The following GCM1 variants were observed in gnomAD, a reference collection of about 807,000 sequenced individuals.
GCM1 encodes the protein chorion-specific transcription factor GCMa.
GCM1 carries 2 observed loss-of-function variants against 25.7 expected under a neutral mutation model. That is an observed-to-expected ratio of 0.08 (90% confidence interval 0.03 to 0.24). The LOEUF is 0.24. Among genes scored for constraint, GCM1 ranks in the 10% least tolerant of loss-of-function variants. The pLI, the probability that GCM1 is intolerant of heterozygous loss-of-function variation, is 1.00. For synonymous variants in GCM1, 183 were observed against 195.7 expected (o/e 0.94, Z 0.54); for missense variants, 395 against 538.7 (o/e 0.73, Z 2.64).
rs1223691364 is a variant in GCM1 at position 53,128,028 on chromosome 6, C to CAAAAAAAAAAAAAA, written c.*164_*177dup. ...TGGGCAAAAGAGCAAGACTCTGTCT[C>CAAAAAAAAAAAAAA]AAAAAAAAAAAAAAAAAAAAAAAAA... On this transcript the variant is annotated 3_prime_UTR_variant, in exon 6 of 6. Coordinates refer to ENST00000259803, the MANE Select transcript of GCM1 (RefSeq NM_003643.4). 93 of 66,416 alleles carry CAAAAAAAAAAAAAA rather than the reference C, an allele frequency of 1.4e-3. 1 individual carries two copies. Among genetic ancestry groups the CAAAAAAAAAAAAAA allele is most frequent in the African/African-American group, 3.3e-3 (31 of 9,510 alleles). The allele number at this position is 66,416 out of a possible 1,614,324, so 4.1% of individuals were successfully genotyped here. A position where few individuals can be genotyped will look rare whatever the true frequency, so the allele number is the denominator to read the frequency against.
At chr6:53,129,016 G>A (rs1763688848) in intron 5 of GCM1, 70 bp from the exon 6 acceptor site, 1 of 1,210,518 alleles carries the variant, frequency 8.3e-7, no homozygotes, top group South Asian at 1.4e-5. Context: ...AGGCACCCAT[G>A]AGTTACTCTG....
chr6:53,129,568 C>G (rs10214780), intron 5 of GCM1, among the ~76,000 whole-genome samples: 7,122 of 152,300 alleles, frequency 0.047, 378 homozygotes, highest in African/African-American at 0.13. Context: ...GCCACAGTGC[C>G]TGGCCTCTAA....
chr6:53,145,968 C>T (rs555366941), intron 1 of GCM1, among the ~76,000 whole-genome samples, 200 bp from the exon 2 acceptor site: 2 of 152,086 alleles, frequency 1.3e-5, no homozygotes, highest in East Asian at 3.9e-4. Flanking sequence ...ACTGCTTTCA[C>T]CCTTGGGTTT....
intron 4 of GCM1, 104 bp from the exon 5 acceptor site, chr6:53,131,035 G>T: frequency 9.2e-7 from 1 of 1,085,918 alleles, no homozygotes; most frequent in Admixed American, 1.9e-5. Flanking sequence ...CCCGGGGGTG[G>T]TGTTGCAGTT....
chr6:53,142,870 CAAAAAAAAAAAAAAAAAAAAAAAA>C (rs60718730), intron 2 of GCM1, among the ~76,000 whole-genome samples: 1 of 37,510 alleles, frequency 2.7e-5, no homozygotes, highest in African/African-American at 7.1e-5. Context: ...CAAGGATCTC[CAAAAAAAAAAAAAAAAAAAAAAAA>C]AAAAAAAAAG....
rs1763762138 is a variant in GCM1 at position 53,133,948 on chromosome 6, T to C, written c.328+124A>G. On this transcript the variant is annotated intron_variant, in intron 3 of 5. Coordinates refer to ENST00000259803, the MANE Select transcript of GCM1 (RefSeq NM_003643.4). ...CATATGCTCCATGTCAGAACAGCCT[T>C]GGCTGCCACTACACTCCAGGGTGAT... 6 of 941,228 alleles carry C rather than the reference T, an allele frequency of 6.4e-6. No homozygotes were observed. The Admixed American group carries it at 1.3e-4, about 21-fold the overall frequency. 58.3% of individuals were successfully genotyped at this position (941,228 alleles called of 1,614,324 possible). A position where few individuals can be genotyped will look rare whatever the true frequency, so the allele number is the denominator to read the frequency against.
intron 2 of GCM1, among the ~76,000 whole-genome samples, chr6:53,139,298 G>A (rs1427392173): frequency 6.6e-6 from 1 of 151,870 alleles, no homozygotes; most frequent in Non-Finnish European, 1.5e-5. Context: ...TGGGCCAACT[G>A]GAAATAAAAC....
Position 53,134,052 on chromosome 6 carries a change from T to C in GCM1, c.328+20A>G, listed in dbSNP as rs373435777. ...TGAGGGATGCCAGCTTTTTTGCTGGTGCCACTAAGCTCTACTCACGCTGCT... is the reference window on the plus strand; with the variant it reads ...TGAGGGATGCCAGCTTTTTTGCTGGCGCCACTAAGCTCTACTCACGCTGCT... On this transcript the variant is annotated intron_variant, in intron 3 of 5. Coordinates refer to ENST00000259803, the MANE Select transcript of GCM1 (RefSeq NM_003643.4). 16 of 1,607,340 alleles carry C rather than the reference T, an allele frequency of 1.0e-5. No individual in the cohort carries two copies. The highest frequency in any genetic ancestry group is 1.3e-5 in the African/African-American group (1 of 74,782).
chr6:53,138,854 T>C (rs1763835995), intron 2 of GCM1, among the ~76,000 whole-genome samples: 1 of 152,332 alleles, frequency 6.6e-6, no homozygotes, highest in Admixed American at 6.5e-5. Context: ...AAAATTTTTG[T>C]AGCTCTATGC....
Position 53,132,129 on chromosome 6 carries a change from A to C in GCM1, c.329-10T>G. 1 of 1,560,642 alleles carries C rather than the reference A, an allele frequency of 6.4e-7. No homozygotes were observed. Among genetic ancestry groups the C allele is most frequent in the Non-Finnish European group, 8.8e-7 (1 of 1,131,298 alleles). On this transcript the variant is annotated splice_polypyrimidine_tract_variant and intron_variant, in intron 3 of 5. Coordinates refer to ENST00000259803, the MANE Select transcript of GCM1 (RefSeq NM_003643.4). ...TTGGGACAGCGTTTCCCTACAAAAG[A>C]GCAGAGGAAAATGACCACACCTGGC...
intron 5 of GCM1, among the ~76,000 whole-genome samples, chr6:53,129,693 C>T (rs918835964): frequency 6.6e-5 from 10 of 152,204 alleles, no homozygotes; most frequent in African/African-American, 2.2e-4. Flanking sequence ...ACATTTCCTC[C>T]CTTGACTATT....
chr6:53,143,899 G>A (rs9474403), intron 2 of GCM1, among the ~76,000 whole-genome samples: 14,717 of 152,010 alleles, frequency 0.097, 847 homozygotes, highest in East Asian at 0.26. Flanking sequence ...GGAAGTCTTC[G>A]TTAGAAATTC....
At chr6:53,139,463 C>A (rs1467484436) in intron 2 of GCM1, among the ~76,000 whole-genome samples, 1 of 138,992 alleles carries the variant, frequency 7.2e-6, no homozygotes, top group Non-Finnish European at 1.5e-5. Flanking sequence ...GAGTTCAAGA[C>A]CAGCCTAGGC....
At chr6:53,147,490 G>A (rs528163172) in intron 1 of GCM1, among the ~76,000 whole-genome samples, 40 of 142,036 alleles carry the variant, frequency 2.8e-4, no homozygotes, top group Non-Finnish European at 4.8e-4. Context: ...GTGCAGTGGC[G>A]CAATCTCAGC....
chr6:53,142,157 T>C (rs1479092496), intron 2 of GCM1, among the ~76,000 whole-genome samples: 2 of 151,754 alleles, frequency 1.3e-5, no homozygotes, highest in East Asian at 3.8e-4. Flanking sequence ...AACTAATAAT[T>C]CTGGCAAGAA....
In GCM1 at chr6:53,134,173, C is replaced by T; in HGVS notation, c.227G>A (p.Cys76Tyr). 1 of 1,614,160 alleles carries T rather than the reference C, an allele frequency of 6.2e-7. No individual in the cohort carries two copies. The highest frequency in any genetic ancestry group is 8.5e-7 in the Non-Finnish European group (1 of 1,180,008). ...GCGGCCGCACACCACCACACCCAGG[C>T]AGGACTTCTTGAGGATGCGGGAGTT... ...NHNSRILKKS[C>Y]LGVVVCGRDC... Residue 76 changes from cysteine (C) to tyrosine (Y), a missense_variant, in exon 3 of 6, where the codon TGC (cysteine) becomes TAC (tyrosine). By Grantham distance (194) the Cys-to-Tyr change is radical (BLOSUM62 -2). This residue lies in a region of GCM1 where 7 missense variants were observed against 42.8 expected (regional missense o/e 0.16). Transcript: ENST00000259803.
intron 2 of GCM1, among the ~76,000 whole-genome samples, chr6:53,134,950 A>G (rs2127508891): frequency 6.6e-6 from 1 of 152,352 alleles, no homozygotes; most frequent in Non-Finnish European, 1.5e-5. Context: ...GCCCTGGTTC[A>G]GAGAGATCAA....
At chr6:53,147,302 CTT>C (rs1057393391) in intron 1 of GCM1, among the ~76,000 whole-genome samples, 4 of 151,688 alleles carry the variant, frequency 2.6e-5, no homozygotes, top group African/African-American at 7.3e-5. Flanking sequence ...TATTGGTACT[CTT>C]ATAAAAACAA....
In GCM1 at chr6:53,134,190, G is replaced by A; in HGVS notation, c.210C>T (p.Arg70=). 1 of 1,614,190 alleles carries A rather than the reference G, an allele frequency of 6.2e-7. No individual in the cohort carries two copies. The highest frequency in any genetic ancestry group is 8.5e-7 in the Non-Finnish European group (1 of 1,180,022). ...AMRNTNNHNS[R]ILKKSCLGVV... is the part of the protein sequence containing the mutation. ...CACCCAGGCAGGACTTCTTGAGGAT[G>A]CGGGAGTTGTGGTTGTTGGTATTGC... Residue 70 remains arginine (R), a synonymous_variant, in exon 3 of 6, where the codon CGC becomes CGT. Transcript: ENST00000259803.
Sources: gnomAD v4.1 joint callset for allele counts (sites outside exome capture counted in the v4.1 genomes callset) on GRCh38, gnomAD v4.1.1 for gene constraint, gnomAD v4.1.1 regional missense constraint, MANE v1.5 for transcripts, NCBI Gene and HGNC (gene_info 2026-07-23, HGNC 2026-07-21) for gene names.